The following DIPK1A variants were observed in gnomAD, a reference collection of about 807,000 sequenced individuals.
The protein encoded by DIPK1A is divergent protein kinase domain 1A.
In DIPK1A, 27 loss-of-function variants were observed where a neutral mutation model predicts 40.8. The ratio of observed to expected loss-of-function variants is 0.66; its 90% CI spans 0.49 to 0.91. The LOEUF (loss-of-function observed/expected upper bound fraction) is 0.91, where lower values mean the gene tolerates loss of function less well. Among genes scored for constraint, DIPK1A ranks in the 40% least tolerant of loss-of-function variants. The pLI, the probability that DIPK1A is intolerant of heterozygous loss-of-function variation, is 0.00. For synonymous variants in DIPK1A, 166 were observed against 171.3 expected, an observed-to-expected ratio of 0.97 and a Z score of 0.24; for missense variants, 412 against 505.7, an observed-to-expected ratio of 0.81 and a Z score of 1.78.
chr1:92,872,241 G>A (rs560204852), intron 2 of DIPK1A, among the ~76,000 whole-genome samples: 19 of 151,550 alleles, frequency 1.3e-4, no homozygotes, highest in Admixed American at 6.6e-4. Context: ...CACTACACTC[G>A]GCTAATTTTT....
intron 2 of DIPK1A, among the ~76,000 whole-genome samples, chr1:92,863,792 C>A (rs555067257): frequency 6.6e-6 from 1 of 152,068 alleles, no homozygotes; most frequent in Non-Finnish European, 1.5e-5. Context: ...GTGGCTCACA[C>A]CTATAATCTC....
At chr1:92,913,474 T>C (rs867459857) in intron 1 of DIPK1A, among the ~76,000 whole-genome samples, 1 of 152,238 alleles carries the variant, frequency 6.6e-6, no homozygotes, top group Non-Finnish European at 1.5e-5. Flanking sequence ...AAATAAAAGA[T>C]GGCAAAAATA....
chr1:92,860,783 C>CA (rs908077366), intron 2 of DIPK1A, among the ~76,000 whole-genome samples: 3 of 145,888 alleles, frequency 2.1e-5, no homozygotes, highest in South Asian at 2.2e-4. Flanking sequence ...GACTGCATCT[C>CA]AAAAAAAAGA....
chr1:92,936,181 TAG>T (rs1650938925), intron 1 of DIPK1A, among the ~76,000 whole-genome samples: 2 of 152,204 alleles, frequency 1.3e-5, no homozygotes, highest in South Asian at 4.1e-4. Context: ...TGGCTCTGCA[TAG>T]AGTCAGCAAG....
At chr1:92,909,282 CA>C (rs1571115080) in intron 1 of DIPK1A, among the ~76,000 whole-genome samples, 2 of 152,176 alleles carry the variant, frequency 1.3e-5, no homozygotes, top group East Asian at 3.9e-4. Flanking sequence ...CTTTACTACA[CA>C]AAATACCAAC....
chr1:92,950,264 CAT>C (rs1651571829), intron 1 of DIPK1A, among the ~76,000 whole-genome samples: 1 of 152,122 alleles, frequency 6.6e-6, no homozygotes, highest in Non-Finnish European at 1.5e-5. Context: ...CACGTTGACA[CAT>C]GAGAGAGAGC....
rs1315272645 is a variant in DIPK1A at position 92,956,998 on chromosome 1, C to T, written c.54+4378G>A. On this transcript the variant is annotated intron_variant, in intron 1 of 4. Transcript: ENST00000370310. ...TTTCATATGCAACAGAACACATAGG[C>T]AGAATGATTGGAATGGAAAATGTGT... Among the ~76,000 whole-genome samples the T allele has an allele frequency of 2.0e-5, 3 of 152,278 alleles. 1 individual carries two copies. Among genetic ancestry groups the T allele is most frequent in the Non-Finnish European group, 4.4e-5 (3 of 68,024 alleles).
chr1:92,871,326 C>A (rs1043915102), intron 2 of DIPK1A, among the ~76,000 whole-genome samples: 1 of 151,952 alleles, frequency 6.6e-6, no homozygotes, highest in African/African-American at 2.4e-5. Flanking sequence ...CCACCACGCA[C>A]GGCTAATTTT....
chr1:92,936,814 A>G (rs1489247860), intron 1 of DIPK1A, among the ~76,000 whole-genome samples: 1 of 152,160 alleles, frequency 6.6e-6, no homozygotes, highest in Non-Finnish European at 1.5e-5. Flanking sequence ...ATCCTGTTTA[A>G]TACACAGGTC....
chr1:92,844,339 C>T (rs555115389), intron 4 of DIPK1A, 144 bp from the exon 5 acceptor site: 3 of 620,208 alleles, frequency 4.8e-6, no homozygotes, highest in East Asian at 2.7e-5. Flanking sequence ...TATTATATCT[C>T]CAAATATTTA....
intron 1 of DIPK1A, among the ~76,000 whole-genome samples, chr1:92,903,671 C>G (rs1649503754): frequency 1.3e-5 from 2 of 152,152 alleles, no homozygotes; most frequent in Non-Finnish European, 2.9e-5. Context: ...AAAGAACCCT[C>G]AACATAGGGA....
chr1:92,841,939 T>C (rs899002156), downstream of DIPK1A: 60 of 1,213,190 alleles, frequency 4.9e-5, no homozygotes, highest in Non-Finnish European at 6.9e-5. Flanking sequence ...TGTGTTAAGC[T>C]CTTATTCTTA....
At chr1:92,836,380 C>T in intron 4 of DIPK1A, 1 of 1,614,124 alleles carries the variant, frequency 6.2e-7, no homozygotes, top group Non-Finnish European at 8.5e-7. Flanking sequence ...GGAGGCTTGT[C>T]TATCCCTCAC....
At chr1:92,878,334 T>C (rs2811593) in intron 1 of DIPK1A, among the ~76,000 whole-genome samples, 108,608 of 151,986 alleles carry the variant, frequency 0.71, 39,620 homozygotes, top group East Asian at 0.95. Context: ...CACTTAAGTA[T>C]AGGAATTTGA....
chr1:92,893,209 C>T (rs1648980364), intron 1 of DIPK1A, among the ~76,000 whole-genome samples: 3 of 148,650 alleles, frequency 2.0e-5, no homozygotes, highest in South Asian at 4.4e-4. Flanking sequence ...GTCAGAGTGA[C>T]CAAAGTTGAA....
At position 92,842,321 on chromosome 1, in the gene DIPK1A, T is replaced by C. The variant is rs1029145979; in HGVS notation, c.*1062A>G. 1.0e-6 allele frequency: 1 copy of C among 986,190 alleles called. No homozygotes were observed. Among genetic ancestry groups the C allele is most frequent in the Non-Finnish European group, 1.2e-6 (1 of 830,478 alleles). The allele number at this position is 986,190 out of a possible 1,614,324, so 61.1% of individuals were successfully genotyped here. A position where few individuals can be genotyped will look rare whatever the true frequency, so the allele number is the denominator to read the frequency against. On this transcript the variant is annotated 3_prime_UTR_variant, in exon 5 of 5. Transcript: ENST00000370310. ...GATTTTTAACATGTTCCACTTTAGG[T>C]AGGCGAAACCTTTGAGCAGAAAATA... is the stretch of plus-strand genomic sequence containing the variant.
chr1:92,936,440 C>T (rs1173320147), intron 1 of DIPK1A, among the ~76,000 whole-genome samples: 1 of 151,962 alleles, frequency 6.6e-6, no homozygotes, highest in African/African-American at 2.4e-5. Context: ...CCAGCCTGAC[C>T]AACATGGAGA....
chr1:92,888,584 T>C (rs559759671), intron 1 of DIPK1A, among the ~76,000 whole-genome samples: 1 of 152,338 alleles, frequency 6.6e-6, no homozygotes, highest in Non-Finnish European at 1.5e-5. Flanking sequence ...GCAGTTTCAT[T>C]TGCAGTGTTT....
At chr1:92,896,434 G>T (rs1301610147) in intron 1 of DIPK1A, among the ~76,000 whole-genome samples, 1 of 152,096 alleles carries the variant, frequency 6.6e-6, no homozygotes, top group Non-Finnish European at 1.5e-5. Flanking sequence ...AATGGTGCTG[G>T]AAAAACTGGC....
Sources: allele counts gnomAD v4.1 joint callset (sites outside exome capture counted in the v4.1 genomes callset), GRCh38; gene constraint gnomAD v4.1.1; transcripts MANE v1.5; gene names NCBI Gene and HGNC (gene_info 2026-07-23, HGNC 2026-07-21).